The following TMEM65 variants were observed in gnomAD, a reference collection of about 807,000 sequenced individuals.
TMEM65 encodes transmembrane protein 65.
TMEM65 carries 22 observed loss-of-function variants against 25.4 expected under a neutral mutation model. The observed-to-expected ratio is 0.86, with a 90% CI of 0.62 to 1.23. TMEM65 has a LOEUF of 1.23. TMEM65 is among the 50% of genes most tolerant of loss of function. The pLI is 0.00. For synonymous variants in TMEM65, 132 were observed against 126.2 expected, an observed-to-expected ratio of 1.05 and a Z score of -0.31; for missense variants, 262 against 308.2, an observed-to-expected ratio of 0.85 and a Z score of 1.12.
chr8:124,349,252 T>A (rs1446327040), intron 1 of TMEM65, among the ~76,000 whole-genome samples: 1 of 152,198 alleles, frequency 6.6e-6, no homozygotes, highest in Non-Finnish European at 1.5e-5. Flanking sequence ...GAAATTGAAA[T>A]AAAACTGCAA....
chr8:124,351,189 A>G (rs960559492), intron 1 of TMEM65: 1 of 874,512 alleles, frequency 1.1e-6, no homozygotes, highest in Non-Finnish European at 1.4e-6. Flanking sequence ...ACTTTAAAAT[A>G]TATATAAAAC....
intron 1 of TMEM65, among the ~76,000 whole-genome samples, chr8:124,343,787 TA>T (rs1814611387): frequency 6.6e-6 from 1 of 152,204 alleles, no homozygotes; most frequent in Non-Finnish European, 1.5e-5. Flanking sequence ...TTTCTGTTTA[TA>T]TATGGCAAGA....
intron 1 of TMEM65, among the ~76,000 whole-genome samples, chr8:124,343,147 T>C (rs1362390800): frequency 6.6e-6 from 1 of 151,916 alleles, no homozygotes; most frequent in Non-Finnish European, 1.5e-5. Context: ...ACAAATAAGG[T>C]TCTACAAACA....
chr8:124,359,917 T>C (rs1294100365), intron 1 of TMEM65, among the ~76,000 whole-genome samples: 1 of 152,204 alleles, frequency 6.6e-6, no homozygotes, highest in African/African-American at 2.4e-5. Flanking sequence ...AAAGTAGCCT[T>C]GCTTCTTTTT....
chr8:124,372,178 C>T lies in TMEM65; in HGVS notation c.-21G>A, dbSNP rs1451857806. 5 of 1,283,914 alleles carry T rather than the reference C, an allele frequency of 3.9e-6. No individual in the cohort carries two copies. In the African/African-American group the frequency reaches 8.1e-5, roughly 21 times the overall value. The allele number at this position is 1,283,914 out of a possible 1,614,324, so 79.5% of individuals were successfully genotyped here. ...GACATGGCGAGCTGAGGAGCTGGGA[C>T]CCCCGCGGCCGTCCGGCAAGGCGGT... On this transcript the variant is annotated 5_prime_UTR_variant, in exon 1 of 7. Transcript: ENST00000297632.
rs896851098 is a variant in TMEM65 at position 124,327,251 on chromosome 8, TATG to T, written c.417+100_417+102del. ...TATAGTAAAAAATATCCTTGTTCAT[TATG>T]ATATTAAAACTTTATAATCACAATA... On this transcript the variant is annotated intron_variant, in intron 3 of 6. Transcript: ENST00000297632. 17 of 736,850 alleles carry T rather than the reference TATG, an allele frequency of 2.3e-5. 1 individual carries two copies. Among genetic ancestry groups the T allele is most frequent in the South Asian group, 3.6e-5 (2 of 56,006 alleles). The allele number at this position is 736,850 out of a possible 1,614,324, so 45.6% of individuals were successfully genotyped here.
rs371357144 is a variant in TMEM65, at chr8:124,371,942, C to T, written c.216G>A (p.Ala72=). Residue 72 remains alanine (A), a synonymous_variant, in exon 1 of 7, where the codon GCG becomes GCA. Coordinates refer to ENST00000297632, the MANE Select transcript of TMEM65 (RefSeq NM_194291.3). ...AGTGCAGGCTGTAGATGAAGTCGCG[C>T]GCGCCCTGCGCCGTGTTCAGCGCCT... ...PMEALNTAQG[A]RDFIYSLHST... The T allele has an allele frequency of 1.8e-5, 28 of 1,518,026 alleles. No individual in the cohort carries two copies. Among genetic ancestry groups the T allele is most frequent in the Admixed American group, 1.0e-4 (5 of 48,396 alleles). The allele number at this position is 1,518,026 out of a possible 1,614,324, so 94.0% of individuals were successfully genotyped here. A position where few individuals can be genotyped will look rare whatever the true frequency, so the allele number is the denominator to read the frequency against.
intron 1 of TMEM65, among the ~76,000 whole-genome samples, chr8:124,359,492 A>G (rs1447443358): frequency 6.6e-6 from 1 of 152,230 alleles, no homozygotes; most frequent in Non-Finnish European, 1.5e-5. Context: ...CTGTAATGCC[A>G]GCACATTGGG....
At chr8:124,367,545 T>A (rs552094874) in intron 1 of TMEM65, among the ~76,000 whole-genome samples, 1 of 152,172 alleles carries the variant, frequency 6.6e-6, no homozygotes, top group Admixed American at 6.5e-5. Context: ...TGAAAAAAAA[T>A]AAGGATAATC....
At chr8:124,341,856 G>A (rs965687102) in intron 1 of TMEM65, among the ~76,000 whole-genome samples, 2 of 150,636 alleles carry the variant, frequency 1.3e-5, no homozygotes, top group African/African-American at 4.9e-5. Flanking sequence ...TTGATTTTCC[G>A]GTCAAGCCCT....
At chr8:124,336,000 A>T (rs374432378) in intron 1 of TMEM65, among the ~76,000 whole-genome samples, 3 of 152,060 alleles carry the variant, frequency 2.0e-5, no homozygotes, top group East Asian at 1.9e-4. Context: ...TTACAGTTTA[A>T]TAGGTTGAAA....
chr8:124,322,901 T>C (rs1018360841), intron 4 of TMEM65, among the ~76,000 whole-genome samples: 1 of 151,766 alleles, frequency 6.6e-6, no homozygotes, highest in Admixed American at 6.6e-5. Flanking sequence ...GAGGCTGAGA[T>C]AGGAGAATCC....
intron 1 of TMEM65, among the ~76,000 whole-genome samples, chr8:124,362,545 C>T (rs1267029341): frequency 6.6e-6 from 1 of 150,534 alleles, no homozygotes; most frequent in African/African-American, 2.4e-5. Flanking sequence ...GCCTGTAGTA[C>T]CAGCTACTCA....
intron 6 of TMEM65, among the ~76,000 whole-genome samples, chr8:124,319,060 C>A (rs1356999989): frequency 6.6e-6 from 1 of 152,036 alleles, no homozygotes; most frequent in African/African-American, 2.4e-5. Context: ...ATTTTGTTAA[C>A]CAATGTATTC....
chr8:124,367,354 A>G (rs1254000229), intron 1 of TMEM65, among the ~76,000 whole-genome samples: 2 of 152,230 alleles, frequency 1.3e-5, no homozygotes, highest in South Asian at 2.1e-4. Flanking sequence ...CATGTCTGTA[A>G]TCCCAGCTTC....
At chr8:124,366,714 GA>G (rs776420938) in intron 1 of TMEM65, among the ~76,000 whole-genome samples, 2 of 99,588 alleles carry the variant, frequency 2.0e-5, no homozygotes, top group Admixed American at 1.2e-4. Flanking sequence ...TTTCATAATG[GA>G]AAAAAAAAAA....
chr8:124,318,847 T>G lies in TMEM65; in HGVS notation c.621+1239A>C, dbSNP rs866512327. 3.3e-5 allele frequency among the ~76,000 whole-genome samples: 5 copies of G among 152,342 alleles called. No individual in the cohort carries two copies. In the South Asian group the frequency reaches 8.3e-4, roughly 25 times the overall value. On this transcript the variant is annotated intron_variant, in intron 6 of 6. Coordinates refer to ENST00000297632, the MANE Select transcript of TMEM65 (RefSeq NM_194291.3). ...TTTGAACAATCATCTACCTTTTCAGTGAGGCCTACAGTGACTCTCCTATTG... is the reference window on the plus strand; with the variant it reads ...TTTGAACAATCATCTACCTTTTCAGGGAGGCCTACAGTGACTCTCCTATTG...
At position 124,357,472 on chromosome 8, in the gene TMEM65, G is replaced by A. The variant is rs80095732; in HGVS notation, c.304+14382C>T. 1.6e-4 allele frequency among the ~76,000 whole-genome samples: 25 copies of A among 152,236 alleles called. 1 individual carries two copies. In the East Asian group the frequency reaches 4.8e-3, roughly 29 times the overall value. On this transcript the variant is annotated intron_variant, in intron 1 of 6. Coordinates refer to ENST00000297632, the MANE Select transcript of TMEM65 (RefSeq NM_194291.3). ...ATCTAAAGGAAAACTAAAGGTTAGA[G>A]ATTTATGAGTTACAAATCCTAAATA...
intron 1 of TMEM65, among the ~76,000 whole-genome samples, chr8:124,363,896 T>C (rs1205096934): frequency 6.8e-6 from 1 of 147,080 alleles, no homozygotes; most frequent in Non-Finnish European, 1.5e-5. Context: ...GCACAGATTC[T>C]TCCCCACTTA....
Sources: gnomAD v4.1 joint callset for allele counts (sites outside exome capture counted in the v4.1 genomes callset) on GRCh38, gnomAD v4.1.1 for gene constraint, MANE v1.5 for transcripts, NCBI Gene and HGNC (gene_info 2026-07-23, HGNC 2026-07-21) for gene names.